The following NFATC2 variants were observed in gnomAD, a reference collection of about 807,000 sequenced individuals.
NFATC2 encodes nuclear factor of activated T-cells, cytoplasmic 2.
A neutral mutation model predicts 87.3 loss-of-function variants in NFATC2; 22 were observed. That is an observed-to-expected ratio of 0.25 (90% CI 0.18 to 0.36). The LOEUF is 0.36. Among genes scored for constraint, NFATC2 ranks in the 10% least tolerant of loss-of-function variants. The pLI is 1.00. For synonymous variants in NFATC2, 565 were observed against 542.2 expected, an observed-to-expected ratio of 1.04 and a Z score of -0.58; for missense variants, 1,149 against 1,259.1, an observed-to-expected ratio of 0.91 and a Z score of 1.32.
intron 1 of NFATC2, among the ~76,000 whole-genome samples, chr20:51,548,124 C>T (rs2076904376): frequency 6.6e-6 from 1 of 152,270 alleles, no homozygotes; most frequent in African/African-American, 2.4e-5. Context: ...TGCCATTCTC[C>T]CCTTCTCTTA....
At chr20:51,431,863 C>T (rs1568966242) in intron 9 of NFATC2, among the ~76,000 whole-genome samples, 1 of 152,042 alleles carries the variant, frequency 6.6e-6, no homozygotes, top group Non-Finnish European at 1.5e-5. Context: ...TACTGCTTCC[C>T]CTCTGCAACT....
intron 5 of NFATC2, among the ~76,000 whole-genome samples, chr20:51,472,844 A>G (rs1988357664): frequency 6.6e-6 from 1 of 152,114 alleles, no homozygotes; most frequent in Non-Finnish European, 1.5e-5. Flanking sequence ...CATGTTGGCC[A>G]GGCTGATCTT....
intron 9 of NFATC2, among the ~76,000 whole-genome samples, chr20:51,407,096 C>G (rs1233944986): frequency 1.3e-5 from 2 of 152,232 alleles, no homozygotes; most frequent in African/African-American, 4.8e-5. Context: ...GCTGTTCGCT[C>G]TACCTGGACT....
chr20:51,404,066 C>T (rs1439595629), intron 9 of NFATC2, among the ~76,000 whole-genome samples: 1 of 152,230 alleles, frequency 6.6e-6, no homozygotes, highest in East Asian at 1.9e-4. Flanking sequence ...GATATCCCCA[C>T]CGCCACACCT....
At chr20:51,444,990 C>T (rs538153181) in intron 6 of NFATC2, among the ~76,000 whole-genome samples, 40 of 152,246 alleles carry the variant, frequency 2.6e-4, no homozygotes, top group African/African-American at 8.9e-4. Context: ...CATCCCCCAC[C>T]GGGACAACTG....
At chr20:51,408,223 T>C (rs1978626451) in intron 9 of NFATC2, among the ~76,000 whole-genome samples, 1 of 151,962 alleles carries the variant, frequency 6.6e-6, no homozygotes, top group Non-Finnish European at 1.5e-5. Flanking sequence ...ACCATAAAAA[T>C]TCAATACTGG....
intron 9 of NFATC2, among the ~76,000 whole-genome samples, chr20:51,423,225 G>C (rs1981216156): frequency 6.7e-6 from 1 of 150,054 alleles, no homozygotes; most frequent in Non-Finnish European, 1.5e-5. Flanking sequence ...GGGAGGTTAA[G>C]GCTGCAGTGA....
intron 2 of NFATC2, 26 bp from the exon 3 acceptor site, chr20:51,516,981 T>C (rs372366209): frequency 3.2e-6 from 5 of 1,587,066 alleles, no homozygotes; most frequent in African/African-American, 1.4e-5. Context: ...AAATCAGCCA[T>C]GTGTGCAATA....
chr20:51,492,639 C>T (rs1185612355), intron 3 of NFATC2, among the ~76,000 whole-genome samples: 2 of 152,236 alleles, frequency 1.3e-5, no homozygotes, highest in African/African-American at 2.4e-5. Flanking sequence ...GGCACCCGCC[C>T]GGGCCCGCTC....
chr20:51,527,149 C>T (rs1213919197), intron 1 of NFATC2, among the ~76,000 whole-genome samples: 1 of 145,774 alleles, frequency 6.9e-6, no homozygotes, highest in Non-Finnish European at 1.5e-5. Context: ...GATCCTCCCA[C>T]CTCAGCCTCC....
rs2076512921 is a variant in NFATC2 at position 51,524,595 on chromosome 20, A to T, written c.131-485T>A. 6.6e-6 allele frequency among the ~76,000 whole-genome samples: 1 copy of T among 151,932 alleles called. No individual in the cohort carries two copies. Among genetic ancestry groups the T allele is most frequent in the Non-Finnish European group, 1.5e-5 (1 of 67,986 alleles). ...GGTCATGACCCCTAGTTTGAAAAGC[A>T]CCTATCTAGGGCCTATGGCAGCACT... is the stretch of plus-strand genomic sequence containing the variant. On this transcript the variant is annotated intron_variant, in intron 1 of 10. Transcript: ENST00000371564. The surrounding 1 kb of genome is among the most constrained non-coding windows in gnomAD (Gnocchi z 4.0).
At chr20:51,509,045 C>G (rs1477803461) in intron 3 of NFATC2, among the ~76,000 whole-genome samples, 1 of 152,054 alleles carries the variant, frequency 6.6e-6, no homozygotes, top group Non-Finnish European at 1.5e-5. Flanking sequence ...CCTTCCCCTG[C>G]CCTTCCCACA....
At chr20:51,542,850 G>A, upstream of NFATC2, 1 of 473,432 alleles carries the variant, frequency 2.1e-6, no homozygotes, top group Non-Finnish European at 2.8e-6. Context: ...GCCTGGGCTG[G>A]CCGGTGCCGG....
chr20:51,541,860 G>A (rs774476490), intron 1 of NFATC2, among the ~76,000 whole-genome samples: 1 of 152,186 alleles, frequency 6.6e-6, no homozygotes, highest in African/African-American at 2.4e-5. Flanking sequence ...GAGGTGATGG[G>A]AGCTGCGTGG....
At chr20:51,398,141 GC>G (rs552454705) in intron 10 of NFATC2, among the ~76,000 whole-genome samples, 1 of 151,884 alleles carries the variant, frequency 6.6e-6, no homozygotes, top group Non-Finnish European at 1.5e-5. Flanking sequence ...CAACAAGGAA[GC>G]CCCCCGGGAG....
chr20:51,394,378 TCTGTCCCCCCTCAGCA>T (rs969068237), intron 10 of NFATC2, among the ~76,000 whole-genome samples: 13 of 89,636 alleles, frequency 1.5e-4, no homozygotes, highest in Middle Eastern at 5.2e-3. Flanking sequence ...CTGGTCTCTG[TCTGTCCCCCCTCAGCA>T]CTGTTCCCTC....
At chr20:51,539,099 T>C (rs1472185588) in intron 1 of NFATC2, among the ~76,000 whole-genome samples, 1 of 152,148 alleles carries the variant, frequency 6.6e-6, no homozygotes, top group African/African-American at 2.4e-5. Flanking sequence ...CCTCCTAGGG[T>C]TGGAGTGGAA....
intron 3 of NFATC2, 40 bp from the exon 4 acceptor site, chr20:51,475,700 T>G: frequency 1.5e-5 from 24 of 1,599,838 alleles, no homozygotes; most frequent in Non-Finnish European, 2.0e-5. Context: ...GTGCGGGGTG[T>G]GGTGGCTCTA....
intron 3 of NFATC2, among the ~76,000 whole-genome samples, chr20:51,502,176 G>T (rs2076099056): frequency 6.6e-6 from 1 of 152,206 alleles, no homozygotes; most frequent in East Asian, 1.9e-4. Flanking sequence ...CTAACACAAT[G>T]CCTGGTATGT....
Sources: allele counts gnomAD v4.1 joint callset (sites outside exome capture counted in the v4.1 genomes callset), GRCh38; gene constraint gnomAD v4.1.1; non-coding constraint Gnocchi (gnomAD v3.1); transcripts MANE v1.5; gene names NCBI Gene and HGNC (gene_info 2026-07-23, HGNC 2026-07-21).